Variants in CACNA2D1 observed in about 807,000 individuals in gnomAD.
CACNA2D1 encodes voltage-dependent calcium channel subunit alpha-2/delta-1.
Under a neutral mutation model 171.5 loss-of-function variants are expected in CACNA2D1, and 53 were observed. The observed-to-expected ratio is 0.31, with a 90% CI of 0.25 to 0.39. The LOEUF (loss-of-function observed/expected upper bound fraction) is 0.39, where lower values mean the gene tolerates loss of function less well. CACNA2D1 is among the 10% of genes least tolerant of loss of function. The pLI is 1.00. For missense variants in CACNA2D1, 903 were observed against 1,299.8 expected, an observed-to-expected ratio of 0.69 and a Z score of 4.69; for synonymous variants, 442 against 443.1, an observed-to-expected ratio of 1.00 and a Z score of 0.03.
chr7:82,099,316 C>A (rs1474259181), intron 6 of CACNA2D1, among the ~76,000 whole-genome samples: 1 of 150,842 alleles, frequency 6.6e-6, no homozygotes, highest in African/African-American at 2.4e-5. Flanking sequence ...ACACTTCTAA[C>A]AATTTGTAGT....
intron 4 of CACNA2D1, among the ~76,000 whole-genome samples, chr7:82,137,728 A>AAAAAAAAAAAAAAAAAC (rs1791823778): frequency 7.2e-6 from 1 of 139,252 alleles, no homozygotes; most frequent in African/African-American, 2.7e-5. Context: ...AAAAAAAAAA[A>AAAAAAAAAAAAAAAAAC]AATTAGCCGG....
intron 5 of CACNA2D1, among the ~76,000 whole-genome samples, chr7:82,130,328 C>A (rs1380748615): frequency 6.6e-6 from 1 of 152,006 alleles, no homozygotes; most frequent in Non-Finnish European, 1.5e-5. Flanking sequence ...ATTATATGTT[C>A]CGCTTAGGGA....
chr7:81,977,897 A>C (rs1041608477), intron 24 of CACNA2D1, among the ~76,000 whole-genome samples: 5 of 152,240 alleles, frequency 3.3e-5, no homozygotes, highest in Non-Finnish European at 5.9e-5. Flanking sequence ...CAAGAAAAAA[A>C]CAAACAACTC....
intron 3 of CACNA2D1, among the ~76,000 whole-genome samples, chr7:82,187,546 T>C (rs1215650851): frequency 7.4e-6 from 1 of 135,146 alleles, no homozygotes; most frequent in East Asian, 2.4e-4. Context: ...CATACATGGA[T>C]AAACATTGCC....
intron 1 of CACNA2D1, among the ~76,000 whole-genome samples, chr7:82,370,842 A>T (rs1393884206): frequency 6.6e-6 from 1 of 152,182 alleles, no homozygotes; most frequent in African/African-American, 2.4e-5. Flanking sequence ...TAATTGCATG[A>T]AATACGCAGT....
intron 1 of CACNA2D1, among the ~76,000 whole-genome samples, chr7:82,392,513 C>CCCAG (rs1825243113): frequency 6.6e-6 from 1 of 152,186 alleles, no homozygotes; most frequent in Admixed American, 6.5e-5. Context: ...ACACACTCTG[C>CCCAG]CCAGCCATGG....
At chr7:81,951,244 A>C (rs1792483456) in intron 38 of CACNA2D1, among the ~76,000 whole-genome samples, 1 of 152,054 alleles carries the variant, frequency 6.6e-6, no homozygotes, top group South Asian at 2.1e-4. Flanking sequence ...CTTAATGCAA[A>C]AGTATTATTC....
intron 1 of CACNA2D1, among the ~76,000 whole-genome samples, chr7:82,435,031 T>A (rs1219468317): frequency 8.7e-5 from 3 of 34,546 alleles, no homozygotes; most frequent in Non-Finnish European, 2.2e-4. Flanking sequence ...CTTCAGATAC[T>A]TTTTTTTTTT....
At chr7:82,418,519 T>C (rs1201464438) in intron 1 of CACNA2D1, among the ~76,000 whole-genome samples, 2 of 152,106 alleles carry the variant, frequency 1.3e-5, no homozygotes, top group Non-Finnish European at 2.9e-5. Flanking sequence ...TATTACTTTT[T>C]GATAGAATAA....
chr7:82,012,662 C>T (rs1799938623), intron 14 of CACNA2D1, among the ~76,000 whole-genome samples: 1 of 152,074 alleles, frequency 6.6e-6, no homozygotes, highest in African/African-American at 2.4e-5. Context: ...GATTGTTTGG[C>T]TGAAATTCAA....
chr7:82,040,485 G>GAA lies in CACNA2D1; in HGVS notation c.880-2252_880-2251dup, dbSNP rs111654140. ...AAAAAAAAAAAACAGAAGGCTTCAG[G>GAA]AAAAAAAAATGGTTTAAAGCCATAG... On this transcript the variant is annotated intron_variant, in intron 10 of 38. Coordinates refer to ENST00000356860, the MANE Select transcript of CACNA2D1 (RefSeq NM_000722.4). Among the ~76,000 whole-genome samples the GAA allele has an allele frequency of 6.4e-5, 9 of 139,578 alleles. No homozygotes were observed. In the South Asian group the frequency reaches 6.9e-4, roughly 11 times the overall value. The allele number at this position is 139,578 out of a possible 152,430, so 91.6% of individuals were successfully genotyped here.
intron 3 of CACNA2D1, among the ~76,000 whole-genome samples, chr7:82,229,505 T>A (rs1802681682): frequency 6.6e-6 from 1 of 151,894 alleles, no homozygotes; most frequent in South Asian, 2.1e-4. Context: ...TTTCTTATTT[T>A]TTTGGTCTCT....
At chr7:82,123,336 G>A (rs1789961181) in intron 5 of CACNA2D1, among the ~76,000 whole-genome samples, 1 of 152,142 alleles carries the variant, frequency 6.6e-6, no homozygotes, top group Non-Finnish European at 1.5e-5. Context: ...CAGATCAGCA[G>A]AAACTTAGGA....
At chr7:82,254,188 T>A (rs925365106) in intron 3 of CACNA2D1, among the ~76,000 whole-genome samples, 1 of 152,114 alleles carries the variant, frequency 6.6e-6, no homozygotes, top group Non-Finnish European at 1.5e-5. Flanking sequence ...CTTTCAAAAA[T>A]AAATATAAAA....
At chr7:81,977,262 G>A (rs926603201) in intron 24 of CACNA2D1, among the ~76,000 whole-genome samples, 2 of 152,028 alleles carry the variant, frequency 1.3e-5, no homozygotes, top group African/African-American at 4.8e-5. Context: ...TAGCATGAAG[G>A]GGTGCTGAAT....
intron 4 of CACNA2D1, among the ~76,000 whole-genome samples, chr7:82,144,075 C>G (rs1277362913): frequency 6.6e-6 from 1 of 152,052 alleles, no homozygotes; most frequent in Non-Finnish European, 1.5e-5. Context: ...CTCTCTATTT[C>G]TTTGGGTGTA....
At chr7:82,298,543 T>C (rs751891867) in intron 3 of CACNA2D1, among the ~76,000 whole-genome samples, 14 of 151,986 alleles carry the variant, frequency 9.2e-5, no homozygotes, top group Non-Finnish European at 1.9e-4. Context: ...TCAATCATAC[T>C]ATGAAATTTA....
chr7:82,390,801 A>G (rs944700287), intron 1 of CACNA2D1, among the ~76,000 whole-genome samples: 7 of 152,178 alleles, frequency 4.6e-5, no homozygotes, highest in African/African-American at 1.7e-4. Flanking sequence ...GAATTACTGA[A>G]GAGACTAACA....
chr7:82,193,800 T>C (rs1352733104), intron 3 of CACNA2D1, among the ~76,000 whole-genome samples: 1 of 152,038 alleles, frequency 6.6e-6, no homozygotes, highest in Non-Finnish European at 1.5e-5. Context: ...GTGTTTGTCT[T>C]GATTAGCTGC....
Sources: gnomAD v4.1 joint callset for allele counts (sites outside exome capture counted in the v4.1 genomes callset) on GRCh38, gnomAD v4.1.1 for gene constraint, MANE v1.5 for transcripts, NCBI Gene and HGNC (gene_info 2026-07-23, HGNC 2026-07-21) for gene names.